KIAA1217: variants seen among roughly 807,000 people sequenced by gnomAD.
KIAA1217 encodes the protein KIAA1217, also known as sickle tail protein homolog.
KIAA1217 carries 88 observed loss-of-function variants against 163.9 expected under a neutral mutation model. The observed-to-expected ratio is 0.54, with a 90% CI of 0.45 to 0.64. The LOEUF (loss-of-function observed/expected upper bound fraction) is 0.64, where lower values mean the gene tolerates loss of function less well. Ranked by LOEUF, KIAA1217 falls within the 30% of genes least tolerant of loss-of-function variation. The probability of loss-of-function intolerance (pLI) is 0.00; values close to 1 mark genes in which losing one functional copy is unlikely to be tolerated. For missense variants in KIAA1217, 2,372 were observed against 2,475.0 expected (o/e 0.96, Z 0.88); for synonymous variants, 903 against 923.1 (o/e 0.98, Z 0.39).
At chr10:24,159,561 C>T (rs966210726) in intron 2 of KIAA1217, among the ~76,000 whole-genome samples, 2 of 151,598 alleles carry the variant, frequency 1.3e-5, no homozygotes, top group Non-Finnish European at 2.9e-5. Flanking sequence ...GGGCGGATCA[C>T]GAGGTCAGGA....
intron 2 of KIAA1217, among the ~76,000 whole-genome samples, chr10:24,226,463 A>T (rs1417405127): frequency 8.0e-6 from 1 of 125,426 alleles, no homozygotes; most frequent in East Asian, 2.0e-4. Flanking sequence ...CGTCTCTACT[A>T]AAAAAAAAAA....
intron 1 of KIAA1217, among the ~76,000 whole-genome samples, chr10:23,728,283 A>G (rs186855055): frequency 0.024 from 3,691 of 152,274 alleles, 165 homozygotes; most frequent in African/African-American, 0.083. Context: ...TCCCACCAAT[A>G]GCGTGAAAGT....
intron 1 of KIAA1217, among the ~76,000 whole-genome samples, chr10:23,914,041 G>A (rs1842546052): frequency 6.6e-6 from 1 of 152,184 alleles, no homozygotes; most frequent in East Asian, 1.9e-4. Context: ...AAGGGACCCA[G>A]CCTTACCATG....
chr10:24,254,416 C>T (rs1018813489), intron 2 of KIAA1217, among the ~76,000 whole-genome samples: 2 of 152,208 alleles, frequency 1.3e-5, no homozygotes, highest in Non-Finnish European at 2.9e-5. Context: ...CTCACAGTGA[C>T]TCTTATCCAG....
intron 2 of KIAA1217, among the ~76,000 whole-genome samples, chr10:24,351,731 A>T (rs2048486105): frequency 6.6e-6 from 1 of 152,188 alleles, no homozygotes; most frequent in Non-Finnish European, 1.5e-5. Flanking sequence ...GATCTATCTG[A>T]TGGGGCTGCT....
intron 2 of KIAA1217, among the ~76,000 whole-genome samples, chr10:24,318,166 G>C (rs979373956): frequency 6.6e-6 from 1 of 152,170 alleles, no homozygotes; most frequent in East Asian, 1.9e-4. Flanking sequence ...TAATTAGATA[G>C]AGATAGATTA....
chr10:24,147,006 T>TAAAAA (rs755857019), intron 2 of KIAA1217, among the ~76,000 whole-genome samples: 4 of 110,716 alleles, frequency 3.6e-5, no homozygotes, highest in Admixed American at 9.5e-5. Context: ...TTTGTTTTGT[T>TAAAAA]AAAAAAAAAA....
At chr10:24,425,795 A>G (rs1245235333) in intron 3 of KIAA1217, among the ~76,000 whole-genome samples, 3 of 152,228 alleles carry the variant, frequency 2.0e-5, no homozygotes, top group Admixed American at 2.0e-4. Context: ...CTTTTGATAC[A>G]TTGACAAATA....
chr10:24,128,402 T>C (rs1174362233), intron 2 of KIAA1217, among the ~76,000 whole-genome samples: 1 of 152,226 alleles, frequency 6.6e-6, no homozygotes, highest in African/African-American at 2.4e-5. Flanking sequence ...AATGTGTTTG[T>C]CATTTTAAAT....
chr10:24,366,296 T>C (rs997450714), intron 2 of KIAA1217, among the ~76,000 whole-genome samples: 3 of 151,960 alleles, frequency 2.0e-5, no homozygotes, highest in African/African-American at 7.3e-5. Context: ...TATACAAAAA[T>C]TAGCCAGCTT....
chr10:23,953,009 T>C (rs953501427), intron 1 of KIAA1217, among the ~76,000 whole-genome samples: 7 of 152,226 alleles, frequency 4.6e-5, no homozygotes, highest in Non-Finnish European at 8.8e-5. Context: ...AGGAGTTCTA[T>C]TAATGTCACT....
At chr10:24,264,783 C>G (rs931700944) in intron 2 of KIAA1217, among the ~76,000 whole-genome samples, 1 of 151,354 alleles carries the variant, frequency 6.6e-6, no homozygotes, top group Non-Finnish European at 1.5e-5. Context: ...CTCTCTCTCT[C>G]TCTCTCTCTC....
chr10:24,117,675 A>G (rs1286462652), intron 2 of KIAA1217, among the ~76,000 whole-genome samples: 5 of 152,038 alleles, frequency 3.3e-5, no homozygotes, highest in Admixed American at 6.6e-5. Flanking sequence ...GCTATTCACT[A>G]TTTCTGGTTT....
At chr10:24,130,672 T>A (rs768325610) in intron 2 of KIAA1217, among the ~76,000 whole-genome samples, 10 of 152,186 alleles carry the variant, frequency 6.6e-5, no homozygotes, top group Non-Finnish European at 1.5e-4. Context: ...CTCATAAAAA[T>A]CAGAATAATG....
At position 24,093,897 on chromosome 10, in the gene KIAA1217, G is replaced by A. The variant is rs12779567; in HGVS notation, c.-171+86523G>A. Among the ~76,000 whole-genome samples the A allele has an allele frequency of 2.0e-4, 29 of 147,766 alleles. No homozygotes were observed. The South Asian group carries it at 4.7e-3, about 24-fold the overall frequency. On this transcript the variant is annotated intron_variant, in intron 2 of 18. Transcript: ENST00000376462. ...TTCCCACTTATGACTGAGAATATGC[G>A]GTGTTTGGTTTTTTGTTCTTGCAAT...
chr10:23,763,301 A>G (rs1834354027), intron 1 of KIAA1217, among the ~76,000 whole-genome samples: 2 of 152,156 alleles, frequency 1.3e-5, no homozygotes, highest in Admixed American at 6.6e-5. Context: ...TACTGTATAG[A>G]CAAGACAATC....
chr10:24,320,334 CT>C (rs1165642574), intron 2 of KIAA1217, among the ~76,000 whole-genome samples: 1 of 152,208 alleles, frequency 6.6e-6, no homozygotes, highest in Non-Finnish European at 1.5e-5. Flanking sequence ...ACAAATATAA[CT>C]TGTGTGCCTG....
At chr10:24,069,154 T>G (rs1255011352) in intron 2 of KIAA1217, among the ~76,000 whole-genome samples, 3 of 152,156 alleles carry the variant, frequency 2.0e-5, no homozygotes, top group Middle Eastern at 3.2e-3. Flanking sequence ...ACCACTGCCT[T>G]TTTTCTCTGG....
chr10:23,922,075 G>A (rs1275406783), intron 1 of KIAA1217, among the ~76,000 whole-genome samples: 2 of 151,960 alleles, frequency 1.3e-5, no homozygotes, highest in African/African-American at 4.8e-5. Flanking sequence ...CCTGGGAGCA[G>A]AGAGTGGCTG....
Sources: allele counts gnomAD v4.1 joint callset (sites outside exome capture counted in the v4.1 genomes callset), GRCh38; gene constraint gnomAD v4.1.1; transcripts MANE v1.5; gene names NCBI Gene and HGNC (gene_info 2026-07-23, HGNC 2026-07-21).